The following MKRN3 variants were observed in gnomAD, a reference collection of about 807,000 sequenced individuals.
MKRN3 encodes the protein makorin ring finger protein 3.
For missense variants in MKRN3, 749 were observed against 667.0 expected (o/e 1.12, Z -1.35); for synonymous variants, 301 against 250.2 (o/e 1.20, Z -1.91).
rs775427122 is a variant in MKRN3 at position 23,566,550 on chromosome 15, G to A, written c.768G>A (p.Glu256=). 2 of 1,614,182 alleles carry A rather than the reference G, an allele frequency of 1.2e-6. No homozygotes were observed. Among genetic ancestry groups the A allele is most frequent in the Non-Finnish European group, 1.7e-6 (2 of 1,180,036 alleles). Residue 256 remains glutamate (E), a synonymous_variant, in exon 1 of 1, where the codon GAG becomes GAA. Coordinates refer to ENST00000314520, the MANE Select transcript of MKRN3 (RefSeq NM_005664.4). The part of the protein sequence containing the change: ...YASRGVCFRG[E]SCMYLHGDIC... ...CCAGGGGAGTTTGCTTTCGTGGGGAGAGCTGTATGTACCTCCATGGAGACA... is the reference window on the plus strand; with the variant it reads ...CCAGGGGAGTTTGCTTTCGTGGGGAAAGCTGTATGTACCTCCATGGAGACA...
At position 23,566,371 on chromosome 15, in the gene MKRN3, G is replaced by A. The variant is rs773142745; in HGVS notation, c.589G>A (p.Val197Ile). The A allele has an allele frequency of 2.2e-5, 35 of 1,614,112 alleles. No individual in the cohort carries two copies. The highest frequency in any genetic ancestry group is 3.0e-5 in the Non-Finnish European group (35 of 1,180,060). The change falls in exon 1 of 1, where the codon GTA becomes ATA. Residue 197 changes from valine (V) to isoleucine (I), a missense_variant. Physicochemically the swap from Val to Ile is conservative, Grantham distance 29 (BLOSUM62 3). Coordinates refer to ENST00000314520, the MANE Select transcript of MKRN3 (RefSeq NM_005664.4). Reference sequence around the variant, plus strand: ...CCGTGGAGCTGCTGGAGGAGCAGGTGTAGAAAGCTGGGCGGATGCCATTGA... The same window carrying A: ...CCGTGGAGCTGCTGGAGGAGCAGGTATAGAAAGCTGGGCGGATGCCATTGA... ...ADRGAAGGAGVESWADAIEFV... is the reference protein window; with the variant it reads ...ADRGAAGGAGIESWADAIEFV...
chr15:23,566,216 C>T lies in MKRN3; in HGVS notation c.434C>T (p.Thr145Met), dbSNP rs371642799. ...PGASAGGGPS[T>M]AAHIEPPTQE... ...GCCTCTGCAGGTGGAGGCCCTAGCA[C>T]GGCTGCGCACATCGAGCCCCCGACT... Residue 145 changes from threonine (T) to methionine (M), a missense_variant, in exon 1 of 1, where the codon ACG (threonine) becomes ATG (methionine). Transcript: ENST00000314520. 5.2e-5 allele frequency: 84 copies of T among 1,613,532 alleles called. No homozygotes were observed. Among genetic ancestry groups the T allele is most frequent in the Middle Eastern group, 1.6e-4 (1 of 6,078 alleles).
chr15:23,567,805 G>T lies in MKRN3; in HGVS notation c.*499G>T. 1 of 1,000,480 alleles carries T rather than the reference G, an allele frequency of 1.0e-6. No homozygotes were observed. 62.0% of individuals were successfully genotyped at this position (1,000,480 alleles called of 1,614,324 possible). On this transcript the variant is annotated 3_prime_UTR_variant, in exon 1 of 1. Transcript: ENST00000314520. ...TAAACTGTGATGAACTTGTGATTTT[G>T]TGTTTTACTTGACCAAAACCAAGTG...
Position 23,565,928 on chromosome 15 carries a change from C to T in MKRN3, c.146C>T (p.Pro49Leu), listed in dbSNP as rs771794753. ...GESAAPDSAL[P>L]HAARGWAPFP... ...TCTGCTGCTCCAGATTCAGCCCTGCCACATGCGGCAAGGGGCTGGGCCCCC... is the reference window on the plus strand; with the variant it reads ...TCTGCTGCTCCAGATTCAGCCCTGCTACATGCGGCAAGGGGCTGGGCCCCC... Residue 49 changes from proline (P) to leucine (L), a missense_variant, in exon 1 of 1, where the codon CCA becomes CTA. Transcript: ENST00000314520. 15 of 1,613,948 alleles carry T rather than the reference C, an allele frequency of 9.3e-6. No individual in the cohort carries two copies. The highest frequency in any genetic ancestry group is 1.3e-5 in the Non-Finnish European group (15 of 1,179,984).
rs1454442709 is a variant in MKRN3 at position 23,567,333 on chromosome 15, C to G, written c.*27C>G. The G allele has an allele frequency of 1.9e-6, 3 of 1,606,924 alleles. No homozygotes were observed. The highest frequency in any genetic ancestry group is 2.6e-6 in the Non-Finnish European group (3 of 1,175,762). ...ATCGTGCTGTGGCATGTGGTCTAGTCTGCTGAGGTTCTGTCGTCTGCTATT... is the reference window on the plus strand; with the variant it reads ...ATCGTGCTGTGGCATGTGGTCTAGTGTGCTGAGGTTCTGTCGTCTGCTATT... On this transcript the variant is annotated 3_prime_UTR_variant, in exon 1 of 1. Coordinates refer to ENST00000314520, the MANE Select transcript of MKRN3 (RefSeq NM_005664.4).
At position 23,566,400 on chromosome 15, in the gene MKRN3, T is replaced by C. The variant is rs762486086; in HGVS notation, c.618T>C (p.Phe206=). 2.4e-5 allele frequency: 39 copies of C among 1,613,774 alleles called. No homozygotes were observed. In the South Asian group the frequency reaches 2.7e-4, roughly 11 times the overall value. The change falls in exon 1 of 1, where the codon TTT becomes TTC. Residue 206 remains phenylalanine (F), a synonymous_variant. Transcript: ENST00000314520. ...AAAGCTGGGCGGATGCCATTGAGTTTGTTCCAGGGCAGCCCTACCGGGGCC... is the reference window on the plus strand; with the variant it reads ...AAAGCTGGGCGGATGCCATTGAGTTCGTTCCAGGGCAGCCCTACCGGGGCC... ...GVESWADAIE[F]VPGQPYRGRW...
At position 23,566,233 on chromosome 15, in the gene MKRN3, C is replaced by G; in HGVS notation, c.451C>G (p.Pro151Ala). 6.2e-7 allele frequency: 1 copy of G among 1,613,572 alleles called. No individual in the cohort carries two copies. The highest frequency in any genetic ancestry group is 1.3e-5 in the African/African-American group (1 of 75,050). Reference sequence around the variant, plus strand: ...CCCTAGCACGGCTGCGCACATCGAGCCCCCGACTCAGGAAGTGGCGGAAGC... The same window carrying G: ...CCCTAGCACGGCTGCGCACATCGAGGCCCCGACTCAGGAAGTGGCGGAAGC... ...GGPSTAAHIE[P>A]PTQEVAEAPP... The change falls in exon 1 of 1, where the codon CCC becomes GCC. Residue 151 changes from proline to alanine, a missense_variant. Pro to Ala is a conservative substitution (Grantham distance 27). Coordinates refer to ENST00000314520, the MANE Select transcript of MKRN3 (RefSeq NM_005664.4).
At position 23,567,228 on chromosome 15, in the gene MKRN3, A is replaced by G. The variant is rs1222421793; in HGVS notation, c.1446A>G (p.Arg482=). Residue 482 remains arginine, a synonymous_variant, in exon 1 of 1, where the codon AGA becomes AGG. Transcript: ENST00000314520. Reference sequence around the variant, plus strand: ...TGTTTAAGCGGTTTCTTTCACTGAGAGATGAGTTACCCTTCTCTGAGGACC... The same window carrying G: ...TGTTTAAGCGGTTTCTTTCACTGAGGGATGAGTTACCCTTCTCTGAGGACC... ...SLLFKRFLSL[R]DELPFSEDQW... is the part of the protein sequence containing the mutation. 1 of 1,614,174 alleles carries G rather than the reference A, an allele frequency of 6.2e-7. No individual in the cohort carries two copies. The highest frequency in any genetic ancestry group is 1.7e-5 in the Admixed American group (1 of 60,028).
At position 23,566,123 on chromosome 15, in the gene MKRN3, A is replaced by G; in HGVS notation, c.341A>G (p.Asn114Ser). The change falls in exon 1 of 1, where the codon AAC becomes AGC. Residue 114 changes from asparagine to serine, a missense_variant. Asn to Ser is a conservative substitution (Grantham distance 46). Coordinates refer to ENST00000314520, the MANE Select transcript of MKRN3 (RefSeq NM_005664.4). ...YIHGQCKEGE[N>S]CRYSHDLSGR... is the part of the protein sequence containing the mutation. ...CATGGGCAGTGCAAGGAGGGGGAGAACTGTCGCTATTCGCACGACCTTTCT... is the reference window on the plus strand; with the variant it reads ...CATGGGCAGTGCAAGGAGGGGGAGAGCTGTCGCTATTCGCACGACCTTTCT... 1.9e-6 allele frequency: 3 copies of G among 1,614,150 alleles called. No individual in the cohort carries two copies. The highest frequency in any genetic ancestry group is 2.5e-6 in the Non-Finnish European group (3 of 1,180,024).
Position 23,567,117 on chromosome 15 carries a change from T to G in MKRN3, c.1335T>G (p.Leu445=), listed in dbSNP as rs1889114979. 6.2e-7 allele frequency: 1 copy of G among 1,614,018 alleles called. No homozygotes were observed. The highest frequency in any genetic ancestry group is 8.5e-7 in the Non-Finnish European group (1 of 1,180,032). ...GGSFSAYWHQ[L]VEPVRMGEGN... ...CATTCAGCGCATACTGGCATCAACT[T>G]GTGGAGCCTGTGCGAATGGGAGAGG... The change falls in exon 1 of 1, where the codon CTT becomes CTG. Residue 445 remains leucine, a synonymous_variant. Transcript: ENST00000314520.
At position 23,567,148 on chromosome 15, in the gene MKRN3, A is replaced by G. The variant is rs997019334; in HGVS notation, c.1366A>G (p.Met456Val). The G allele has an allele frequency of 6.2e-7, 1 of 1,614,202 alleles. No individual in the cohort carries two copies. Among genetic ancestry groups the G allele is most frequent in the Middle Eastern group, 1.6e-4 (1 of 6,062 alleles). ...VEPVRMGEGN[M>V]LYKSIKKELV... ...GCCTGTGCGAATGGGAGAGGGCAAC[A>G]TGCTCTATAAAAGCATTAAGAAGGA... is the stretch of plus-strand genomic sequence containing the variant. The change falls in exon 1 of 1, where the codon ATG (methionine) becomes GTG (valine). Residue 456 changes from methionine (M) to valine (V), a missense_variant. Met to Val is a conservative substitution (Grantham distance 21). Coordinates refer to ENST00000314520, the MANE Select transcript of MKRN3 (RefSeq NM_005664.4).
chr15:23,567,925 T>C lies in MKRN3; in HGVS notation c.*619T>C, dbSNP rs1055287170. 5 of 743,242 alleles carry C rather than the reference T, an allele frequency of 6.7e-6. No homozygotes were observed. The highest frequency in any genetic ancestry group is 8.4e-6 in the Non-Finnish European group (5 of 598,664). 46.0% of individuals were successfully genotyped at this position (743,242 alleles called of 1,614,324 possible). ...AGAATTATATATATAAAAATATATA[T>C]GTATAAGAGTTATGTATTTGAAAAA... On this transcript the variant is annotated 3_prime_UTR_variant, in exon 1 of 1. Coordinates refer to ENST00000314520, the MANE Select transcript of MKRN3 (RefSeq NM_005664.4).
chr15:23,567,222 AC>A lies in MKRN3; in HGVS notation c.1441del (p.Leu481Ter), dbSNP rs752731656. ...GTCTGTTGTTTAAGCGGTTTCTTTC[AC>A]TGAGAGATGAGTTACCCTTCTCTGA... ...ASLLFKRFLS[L>X]RDELPFSEDQ... On this transcript the variant is annotated frameshift_variant, in exon 1 of 1. Coordinates refer to ENST00000314520, the MANE Select transcript of MKRN3 (RefSeq NM_005664.4). LOFTEE classifies it low-confidence loss of function (END_TRUNC). The A allele has an allele frequency of 2.6e-5, 42 of 1,614,074 alleles. No individual in the cohort carries two copies. Among genetic ancestry groups the A allele is most frequent in the Non-Finnish European group, 3.5e-5 (41 of 1,180,030 alleles).
chr15:23,567,817 A>C lies in MKRN3; in HGVS notation c.*511A>C. The C allele has an allele frequency of 1.0e-6, 1 of 999,256 alleles. No homozygotes were observed. The highest frequency in any genetic ancestry group is 1.2e-6 in the Non-Finnish European group (1 of 829,034). The allele number at this position is 999,256 out of a possible 1,614,324, so 61.9% of individuals were successfully genotyped here. On this transcript the variant is annotated 3_prime_UTR_variant, in exon 1 of 1. Transcript: ENST00000314520. ...AACTTGTGATTTTGTGTTTTACTTG[A>C]CCAAAACCAAGTGTATATGTTTACA... is the stretch of plus-strand genomic sequence containing the variant.
Position 23,566,674 on chromosome 15 carries a change from G to T in MKRN3, c.892G>T (p.Glu298Ter). 6.2e-7 allele frequency: 1 copy of T among 1,614,236 alleles called. No homozygotes were observed. Among genetic ancestry groups the T allele is most frequent in the East Asian group, 2.2e-5 (1 of 44,880 alleles). ...ACIEAHEKDM[E>*]LSFAVQRGMD... ...CATTGAAGCACACGAGAAAGATATG[G>T]AACTCTCGTTTGCTGTGCAGCGTGG... The change falls in exon 1 of 1, where the codon GAA becomes TAA. Residue 298 changes from glutamate (E) to a stop codon, truncating the protein, a stop_gained. Transcript: ENST00000314520. LOFTEE classifies it low-confidence loss of function (END_TRUNC).
chr15:23,566,349 T>A lies in MKRN3; in HGVS notation c.567T>A (p.Arg189=), dbSNP rs1889094681. The change falls in exon 1 of 1, where the codon CGT becomes CGA. Residue 189 remains arginine, a synonymous_variant. Transcript: ENST00000314520. The part of the protein sequence containing the change: ...FFEAERDNAD[R]GAAGGAGVES... ...AAGCCGAGAGAGACAATGCAGACCG[T>A]GGAGCTGCTGGAGGAGCAGGTGTAG... 1 of 1,614,142 alleles carries A rather than the reference T, an allele frequency of 6.2e-7. No individual in the cohort carries two copies. Among genetic ancestry groups the A allele is most frequent in the South Asian group, 1.1e-5 (1 of 91,062 alleles).
At position 23,566,927 on chromosome 15, in the gene MKRN3, A is replaced by C; in HGVS notation, c.1145A>C (p.Glu382Ala). The change falls in exon 1 of 1, where the codon GAA (glutamate) becomes GCA (alanine). Residue 382 changes from glutamate to alanine, a missense_variant. Coordinates refer to ENST00000314520, the MANE Select transcript of MKRN3 (RefSeq NM_005664.4). ...AGTGAGTTCTGGGTGGAGGAGGAGGAAGAGAAGCAGAAACTTATTCAGCAA... is the reference window on the plus strand; with the variant it reads ...AGTGAGTTCTGGGTGGAGGAGGAGGCAGAGAAGCAGAAACTTATTCAGCAA... ...IPSEFWVEEE[E>A]EKQKLIQQYK... is the part of the protein sequence containing the mutation. 1 of 1,614,188 alleles carries C rather than the reference A, an allele frequency of 6.2e-7. No individual in the cohort carries two copies. Among genetic ancestry groups the C allele is most frequent in the South Asian group, 1.1e-5 (1 of 91,076 alleles).
In MKRN3 at chr15:23,565,985, G is replaced by A. The variant is rs149274884; in HGVS notation, c.203G>A (p.Arg68His). The A allele has an allele frequency of 1.5e-5, 25 of 1,613,736 alleles. 1 individual carries two copies. Among genetic ancestry groups the A allele is most frequent in the Admixed American group, 1.2e-4 (7 of 60,032 alleles). ...GTAGCTCCAGTCCCTGCCCACCTCC[G>A]CAGAGGAGGCCTGAGGCCTGCCCCA... ...FPVAPVPAHL[R>H]RGGLRPAPAS... The change falls in exon 1 of 1, where the codon CGC (arginine) becomes CAC (histidine). Residue 68 changes from arginine (R) to histidine (H), a missense_variant. Coordinates refer to ENST00000314520, the MANE Select transcript of MKRN3 (RefSeq NM_005664.4).
rs1469191304 is a variant in MKRN3, at chr15:23,566,644, G to A, written c.862G>A (p.Ala288Thr). The part of the protein sequence containing the change: ...DAAQREEHMR[A>T]CIEAHEKDME... The stretch of plus-strand genomic sequence containing the variant: ...TGCCCAGAGGGAAGAACATATGAGG[G>A]CCTGCATTGAAGCACACGAGAAAGA... The change falls in exon 1 of 1, where the codon GCC becomes ACC. Residue 288 changes from alanine to threonine, a missense_variant. Ala to Thr is a moderately conservative substitution (Grantham distance 58, BLOSUM62 0). Transcript: ENST00000314520. 8.1e-6 allele frequency: 13 copies of A among 1,614,064 alleles called. No individual in the cohort carries two copies. Among genetic ancestry groups the A allele is most frequent in the African/African-American group, 1.3e-5 (1 of 74,922 alleles).
Sources: gnomAD v4.1 joint callset for allele counts on GRCh38, gnomAD v4.1.1 for gene constraint, MANE v1.5 for transcripts, NCBI Gene and HGNC (gene_info 2026-07-23, HGNC 2026-07-21) for gene names.